Variants in NR5A2 observed in about 807,000 individuals in gnomAD.
NR5A2 encodes the protein CYP7A promoter-binding factor.
NR5A2 carries 26 observed loss-of-function variants against 62.7 expected under a neutral mutation model. The ratio of observed to expected loss-of-function variants is 0.41; its 90% CI spans 0.30 to 0.58. NR5A2 has a LOEUF of 0.58. Ranked by LOEUF, NR5A2 falls within the 20% of genes least tolerant of loss-of-function variation. The pLI is 0.22. For missense variants in NR5A2, 541 were observed against 669.1 expected (o/e 0.81, Z 2.11); for synonymous variants, 246 against 241.7 (o/e 1.02, Z -0.16).
At chr1:200,038,195 A>C (rs1221709758) in intron 1 of NR5A2, among the ~76,000 whole-genome samples, 2 of 152,246 alleles carry the variant, frequency 1.3e-5, no homozygotes, top group African/African-American at 4.8e-5. Flanking sequence ...CATTTTTTAA[A>C]TGCTGGGCCT....
intron 5 of NR5A2, among the ~76,000 whole-genome samples, chr1:200,104,375 C>T (rs556888210): frequency 6.6e-6 from 1 of 152,258 alleles, no homozygotes; most frequent in East Asian, 1.9e-4. Context: ...AGATAATCAT[C>T]AGTGTTCTTT....
chr1:200,029,208 C>T, intron 1 of NR5A2: 1 of 262,470 alleles, frequency 3.8e-6, no homozygotes. Context: ...GCCGGAGACG[C>T]GGACTGCGCG....
At chr1:200,139,299 T>C (rs2363573) in intron 7 of NR5A2, among the ~76,000 whole-genome samples, 44,235 of 152,130 alleles carry the variant, frequency 0.29, 6,669 homozygotes, top group Admixed American at 0.36. Flanking sequence ...CAACCTTCTG[T>C]GTAGACATTC....
intron 6 of NR5A2, among the ~76,000 whole-genome samples, chr1:200,119,944 C>T (rs1666408359): frequency 6.6e-6 from 1 of 151,874 alleles, no homozygotes; most frequent in South Asian, 2.1e-4. Context: ...GGGAAATAAG[C>T]CTTTTCTTTT....
intron 5 of NR5A2, among the ~76,000 whole-genome samples, chr1:200,052,875 T>C (rs556249448): frequency 3.2e-4 from 48 of 152,018 alleles, no homozygotes; most frequent in East Asian, 9.8e-4. Context: ...CTCCTGACCT[T>C]GCGATCCGCC....
chr1:200,036,834 T>G (rs1344329999), intron 1 of NR5A2, among the ~76,000 whole-genome samples: 1 of 152,196 alleles, frequency 6.6e-6, no homozygotes, highest in Non-Finnish European at 1.5e-5. Flanking sequence ...TCCCCCTCCA[T>G]TTCGCTGCTA....
At chr1:200,031,712 G>A (rs1159217998) in intron 1 of NR5A2, among the ~76,000 whole-genome samples, 1 of 151,636 alleles carries the variant, frequency 6.6e-6, no homozygotes, top group African/African-American at 2.4e-5. Flanking sequence ...CCAGGCAGCT[G>A]GGATTACAGG....
intron 5 of NR5A2, among the ~76,000 whole-genome samples, chr1:200,055,645 A>C (rs530265040): frequency 6.6e-6 from 1 of 152,320 alleles, no homozygotes; most frequent in East Asian, 1.9e-4. Flanking sequence ...TTGCCATGTG[A>C]TGTCACAGAG....
At position 200,083,554 on chromosome 1, in the gene NR5A2, A is replaced by G. The variant is rs931944902; in HGVS notation, c.1111-27648A>G. ...TCATTAGATAATGAAAGGCTTCGCCATGTGTGTATCGTAAAGACCTACTAA... is the reference window on the plus strand; with the variant it reads ...TCATTAGATAATGAAAGGCTTCGCCGTGTGTGTATCGTAAAGACCTACTAA... On this transcript the variant is annotated intron_variant, in intron 5 of 7. Transcript: ENST00000367362. 3.5e-4 allele frequency among the ~76,000 whole-genome samples: 53 copies of G among 152,248 alleles called. 1 individual carries two copies. Among genetic ancestry groups the G allele is most frequent in the African/African-American group, 1.2e-3 (50 of 41,470 alleles).
chr1:200,133,614 C>T (rs1175027665), intron 7 of NR5A2, among the ~76,000 whole-genome samples: 3 of 146,026 alleles, frequency 2.1e-5, no homozygotes, highest in South Asian at 2.1e-4. Flanking sequence ...CATATATACA[C>T]ACACACACAC....
chr1:200,082,086 C>T (rs1664321390), intron 5 of NR5A2, among the ~76,000 whole-genome samples: 1 of 152,144 alleles, frequency 6.6e-6, no homozygotes, highest in East Asian at 1.9e-4. Flanking sequence ...ACAACCCCGT[C>T]CTCCCCTCCA....
chr1:200,117,438 A>C (rs1666275132), intron 6 of NR5A2, among the ~76,000 whole-genome samples: 2 of 152,310 alleles, frequency 1.3e-5, no homozygotes, highest in South Asian at 4.1e-4. Context: ...GTATAGTTAT[A>C]AATTTGTTGG....
rs369876518 is a variant in NR5A2, at chr1:200,037,854, GTGA to G, written c.65-1800_65-1798del. 5.9e-5 allele frequency among the ~76,000 whole-genome samples: 9 copies of G among 152,322 alleles called. 2 individuals are homozygous for G. The highest frequency in any genetic ancestry group is 2.2e-4 in the African/African-American group (9 of 41,574). On this transcript the variant is annotated intron_variant, in intron 1 of 7. Coordinates refer to ENST00000367362, the MANE Select transcript of NR5A2 (RefSeq NM_205860.3). Reference sequence around the variant, plus strand: ...TACCTGAATTGCCAGGTGTGGGTGGGTGATGAACAACCCATTTTATGTACATTA... The same window carrying G: ...TACCTGAATTGCCAGGTGTGGGTGGGTGAACAACCCATTTTATGTACATTA...
intron 7 of NR5A2, among the ~76,000 whole-genome samples, chr1:200,154,929 G>A (rs1368167363): frequency 6.6e-6 from 1 of 152,146 alleles, no homozygotes; most frequent in Non-Finnish European, 1.5e-5. Context: ...TACCCAACAA[G>A]GTTTCTACGC....
At chr1:200,036,302 T>C (rs1242813078) in intron 1 of NR5A2, among the ~76,000 whole-genome samples, 1 of 152,150 alleles carries the variant, frequency 6.6e-6, no homozygotes, top group Non-Finnish European at 1.5e-5. Context: ...ACAGCTTCCT[T>C]TCGGAGAGGG....
chr1:200,107,926 C>T (rs547033969), intron 5 of NR5A2, among the ~76,000 whole-genome samples: 3 of 151,732 alleles, frequency 2.0e-5, no homozygotes, highest in Admixed American at 1.3e-4. Context: ...ACATGGCACC[C>T]GGCCTCAGAT....
At position 200,173,945 on chromosome 1, in the gene NR5A2, T is replaced by C; in HGVS notation, c.1379-18T>C. On this transcript the variant is annotated intron_variant, in intron 7 of 7. Transcript: ENST00000367362. Reference sequence around the variant, plus strand: ...TGCTATTGAAATGTTGCTTTTTTTTTTTTTTTTTTTAATGCAGATGTCAAA... The same window carrying C: ...TGCTATTGAAATGTTGCTTTTTTTTCTTTTTTTTTTAATGCAGATGTCAAA... 1 of 1,394,196 alleles carries C rather than the reference T, an allele frequency of 7.2e-7. No homozygotes were observed. Among genetic ancestry groups the C allele is most frequent in the South Asian group, 1.8e-5 (1 of 56,418 alleles). 86.4% of individuals were successfully genotyped at this position (1,394,196 alleles called of 1,614,324 possible).
In NR5A2 at chr1:200,045,604, T is replaced by C. The variant is rs764996893; in HGVS notation, c.463+20T>C. On this transcript the variant is annotated intron_variant, in intron 4 of 7. Transcript: ENST00000367362. ...TAGAAGGTAAGATTCTTCTAAAGAC[T>C]ACTGCCTATTAAAACTCTCCAAGGA... 66 of 1,595,898 alleles carry C rather than the reference T, an allele frequency of 4.1e-5. 1 individual carries two copies. The South Asian group carries it at 7.0e-4, about 17-fold the overall frequency.
chr1:200,155,413 AC>A (rs1462717645), intron 7 of NR5A2, among the ~76,000 whole-genome samples: 4 of 152,238 alleles, frequency 2.6e-5, no homozygotes, highest in Non-Finnish European at 5.9e-5. Context: ...TATACAGTAG[AC>A]TTGGAGAAAG....
Sources: allele counts gnomAD v4.1 joint callset (sites outside exome capture counted in the v4.1 genomes callset), GRCh38; gene constraint gnomAD v4.1.1; transcripts MANE v1.5; gene names NCBI Gene and HGNC (gene_info 2026-07-23, HGNC 2026-07-21).